GNS: variants seen among roughly 807,000 people sequenced by gnomAD.
GNS encodes the protein glucosamine (N-acetyl)-6-sulfatase.
GNS carries 40 observed loss-of-function variants against 69.7 expected under a neutral mutation model. The observed-to-expected ratio is 0.57, with a 90% CI of 0.45 to 0.75. GNS has a LOEUF of 0.75. Among genes scored for constraint, GNS ranks in the 30% least tolerant of loss-of-function variants. GNS has a pLI of 0.00. For missense variants in GNS, 565 were observed against 685.5 expected, an observed-to-expected ratio of 0.82 and a Z score of 1.96; for synonymous variants, 243 against 251.6, an observed-to-expected ratio of 0.97 and a Z score of 0.32.
At chr12:64,748,030 G>C in intron 2 of GNS, 112 bp from the exon 3 acceptor site, 1 of 718,078 alleles carries the variant, frequency 1.4e-6, no homozygotes, top group South Asian at 1.5e-5. Context: ...CAAATATGTA[G>C]TTTCTCATGG....
intron 13 of GNS, among the ~76,000 whole-genome samples, chr12:64,717,251 A>G (rs1868890336): frequency 6.6e-6 from 1 of 152,242 alleles, no homozygotes; most frequent in South Asian, 2.1e-4. Context: ...GCTTCCTTTA[A>G]GTGAAAAAGT....
At chr12:64,720,350 C>A (rs528770357) in intron 12 of GNS, among the ~76,000 whole-genome samples, 168 bp from the exon 13 acceptor site, 1 of 152,194 alleles carries the variant, frequency 6.6e-6, no homozygotes, top group South Asian at 2.1e-4. Flanking sequence ...AAAGAGCTCA[C>A]TGCTTCCTTG....
chr12:64,756,590 T>C, intron 1 of GNS: 1 of 623,378 alleles, frequency 1.6e-6, no homozygotes, highest in Non-Finnish European at 2.8e-6. Context: ...AGTTTTAGTT[T>C]CCTTTTAAGA....
intron 9 of GNS, among the ~76,000 whole-genome samples, chr12:64,736,777 AG>A (rs1285047180): frequency 6.6e-6 from 1 of 152,220 alleles, no homozygotes; most frequent in Admixed American, 6.5e-5. Context: ...GACAAAGAAA[AG>A]CTATGCATTC....
intron 10 of GNS, among the ~76,000 whole-genome samples, chr12:64,728,024 A>G (rs553586690): frequency 2.0e-5 from 3 of 152,258 alleles, no homozygotes; most frequent in African/African-American, 7.2e-5. Context: ...CCCAGGTTCG[A>G]GTGATTCTTC....
Position 64,714,589 on chromosome 12 carries a change from C to T in GNS, c.*2152G>A, listed in dbSNP as rs1210030980. On this transcript the variant is annotated 3_prime_UTR_variant, in exon 14 of 14. Coordinates refer to ENST00000258145, the MANE Select transcript of GNS (RefSeq NM_002076.4). ...AGCGTAGAGAGGGCTGCACCACATC[C>T]TACCACGCAAGCACACCCACTGAAC... 6.6e-6 allele frequency: 1 copy of T among 152,156 alleles called. No individual in the cohort carries two copies. The highest frequency in any genetic ancestry group is 6.5e-5 in the Admixed American group (1 of 15,280). The allele number at this position is 152,156 out of a possible 1,614,324, so 9.4% of individuals were successfully genotyped here. A position where few individuals can be genotyped will look rare whatever the true frequency, so the allele number is the denominator to read the frequency against.
At chr12:64,758,823 C>G (rs1173882793) in intron 1 of GNS, among the ~76,000 whole-genome samples, 1 of 152,180 alleles carries the variant, frequency 6.6e-6, no homozygotes, top group Admixed American at 6.5e-5. Flanking sequence ...ACATGTTTAT[C>G]TTGAGATATT....
intron 9 of GNS, among the ~76,000 whole-genome samples, chr12:64,732,409 C>T (rs1394122229): frequency 2.0e-5 from 3 of 150,990 alleles, no homozygotes; most frequent in Non-Finnish European, 4.4e-5. Context: ...ACCTCGTGAT[C>T]CGCCTGACTC....
At chr12:64,754,964 T>C (rs1408881698) in intron 1 of GNS, among the ~76,000 whole-genome samples, 1 of 151,596 alleles carries the variant, frequency 6.6e-6, no homozygotes, top group Non-Finnish European at 1.5e-5. Flanking sequence ...ACAACCATAA[T>C]CCGTGCTTAA....
chr12:64,742,155 G>A (rs964833416), intron 6 of GNS, among the ~76,000 whole-genome samples: 2 of 152,108 alleles, frequency 1.3e-5, no homozygotes, highest in African/African-American at 4.8e-5. Context: ...CGAGTAGCTG[G>A]GAGTACAGGT....
At chr12:64,751,383 T>A (rs1870072565) in intron 2 of GNS, among the ~76,000 whole-genome samples, 1 of 152,208 alleles carries the variant, frequency 6.6e-6, no homozygotes, top group Non-Finnish European at 1.5e-5. Context: ...CAAGCAGAAA[T>A]AATTTTTCCA....
chr12:64,719,870 C>G (rs184007854), intron 13 of GNS, 152 bp downstream of exon 13: 90 of 679,676 alleles, frequency 1.3e-4, no homozygotes, highest in Non-Finnish European at 2.3e-4. Flanking sequence ...CTTGATTTTC[C>G]CAGCACAACG....
chr12:64,735,560 A>T (rs1477488810), intron 9 of GNS, among the ~76,000 whole-genome samples: 1 of 152,232 alleles, frequency 6.6e-6, no homozygotes, highest in African/African-American at 2.4e-5. Context: ...TGGCAATGTT[A>T]ACTTAAAGAA....
chr12:64,756,743 G>A (rs1470941331), intron 1 of GNS: 5 of 1,500,768 alleles, frequency 3.3e-6, no homozygotes, highest in Non-Finnish European at 4.5e-6. Context: ...ACAATTAGTG[G>A]TAGAATATTC....
At chr12:64,729,906 A>T (rs892875628) in intron 9 of GNS, among the ~76,000 whole-genome samples, 1 of 152,210 alleles carries the variant, frequency 6.6e-6, no homozygotes, top group African/African-American at 2.4e-5. Flanking sequence ...AATATTTTTT[A>T]AAAAATCAAT....
At chr12:64,725,639 A>C (rs1204981652) in intron 10 of GNS, among the ~76,000 whole-genome samples, 1 of 152,220 alleles carries the variant, frequency 6.6e-6, no homozygotes, top group Non-Finnish European at 1.5e-5. Context: ...AGAACTGTGC[A>C]GAGAAATTAT....
chr12:64,746,229 A>T (rs1565626627), intron 3 of GNS: 2 of 181,724 alleles, frequency 1.1e-5, no homozygotes, highest in East Asian at 2.9e-4. Context: ...AGCCTACCCC[A>T]CACAGCCTAT....
At chr12:64,756,419 T>C (rs1021755825) in intron 1 of GNS, among the ~76,000 whole-genome samples, 4 of 152,186 alleles carry the variant, frequency 2.6e-5, no homozygotes, top group Non-Finnish European at 5.9e-5. Flanking sequence ...CTCTCTGACC[T>C]ATGGTGTGAT....
intron 1 of GNS, among the ~76,000 whole-genome samples, chr12:64,755,866 G>A (rs117266263): frequency 0.01 from 1,584 of 151,668 alleles, 19 homozygotes; most frequent in Middle Eastern, 0.017. Context: ...TTAGGGTTTC[G>A]CCATGCTGGC....
Sources: allele counts gnomAD v4.1 joint callset (sites outside exome capture counted in the v4.1 genomes callset), GRCh38; gene constraint gnomAD v4.1.1; transcripts MANE v1.5; gene names NCBI Gene and HGNC (gene_info 2026-07-23, HGNC 2026-07-21).